The following TXLNB variants were observed in gnomAD, a reference collection of about 807,000 sequenced individuals.
The protein encoded by TXLNB is beta-taxilin.
TXLNB carries 37 observed loss-of-function variants against 57.4 expected under a neutral mutation model. That is an observed-to-expected ratio of 0.64 (90% CI 0.50 to 0.85). TXLNB has a LOEUF of 0.85. Among genes scored for constraint, TXLNB ranks in the 40% least tolerant of loss-of-function variants. The pLI is 0.00. For missense variants in TXLNB, 848 were observed against 825.6 expected (o/e 1.03, Z -0.33); for synonymous variants, 302 against 309.6 (o/e 0.98, Z 0.26).
the TXLNB span, among the ~76,000 whole-genome samples, chr6:139,160,981 C>T: frequency 5.9e-5 from 9 of 152,150 alleles, no homozygotes; most frequent in Non-Finnish European, 1.3e-4. Flanking sequence ...GCAGACCTGG[C>T]ATCAGACACC....
chr6:139,255,787 A>G, intron 6 of TXLNB, 149 bp from the exon 7 acceptor site: 1 of 605,838 alleles, frequency 1.7e-6, no homozygotes, highest in Admixed American at 3.0e-5. Context: ...AGAAAGCTTA[A>G]AAAACCAGGC....
chr6:139,216,174 C>T, the TXLNB span, among the ~76,000 whole-genome samples: 3 of 151,858 alleles, frequency 2.0e-5, no homozygotes, highest in Non-Finnish European at 2.9e-5. Flanking sequence ...CACATGCACA[C>T]GTATGTTTAT....
intron 2 of TXLNB, among the ~76,000 whole-genome samples, chr6:139,288,214 T>C (rs1356343350): frequency 6.6e-6 from 1 of 152,146 alleles, no homozygotes; most frequent in Non-Finnish European, 1.5e-5. Context: ...ATTAGGATCT[T>C]AGAGAACATG....
chr6:139,280,037 G>A (rs1018358357), intron 2 of TXLNB, among the ~76,000 whole-genome samples: 5 of 152,026 alleles, frequency 3.3e-5, no homozygotes, highest in Admixed American at 6.5e-5. Context: ...GGCAGATCAC[G>A]AGGTCAGGAG....
At chr6:139,201,977 T>C in the TXLNB span, among the ~76,000 whole-genome samples, 1 of 152,240 alleles carries the variant, frequency 6.6e-6, no homozygotes, top group African/African-American at 2.4e-5. Flanking sequence ...CTTACTGCAG[T>C]ACCCACACCA....
chr6:139,321,788 C>T, the TXLNB span, among the ~76,000 whole-genome samples: 4 of 151,664 alleles, frequency 2.6e-5, no homozygotes, highest in South Asian at 2.1e-4. Flanking sequence ...CCCACCACCA[C>T]GCCTGGCTAA....
the TXLNB span, among the ~76,000 whole-genome samples, chr6:139,302,713 G>A: frequency 6.6e-6 from 1 of 152,004 alleles, no homozygotes; most frequent in Non-Finnish European, 1.5e-5. Context: ...AACCCGGGAA[G>A]GAGGAGGTTG....
At chr6:139,190,812 T>A in the TXLNB span, among the ~76,000 whole-genome samples, 1 of 152,132 alleles carries the variant, frequency 6.6e-6, no homozygotes, top group Non-Finnish European at 1.5e-5. Context: ...GTGTTGAAGG[T>A]CCCACCTCTA....
At chr6:139,191,548 A>G in the TXLNB span, among the ~76,000 whole-genome samples, 70 of 152,352 alleles carry the variant, frequency 4.6e-4, no homozygotes, top group African/African-American at 1.7e-3. Context: ...CAATTACTAG[A>G]GAAAGTTCTA....
the TXLNB span, among the ~76,000 whole-genome samples, chr6:139,184,053 A>T: frequency 6.6e-6 from 1 of 152,176 alleles, no homozygotes; most frequent in East Asian, 1.9e-4. Flanking sequence ...ATTGTTGTGG[A>T]GTCAGCGCTT....
Position 139,276,921 on chromosome 6 carries a change from C to A in TXLNB, c.425G>T (p.Gly142Val). 1.9e-6 allele frequency: 3 copies of A among 1,544,832 alleles called. No homozygotes were observed. Among genetic ancestry groups the A allele is most frequent in the African/African-American group, 2.2e-5 (1 of 45,540 alleles). Residue 142 changes from glycine to valine, a missense_variant and splice_region_variant, in exon 3 of 10, where the codon GGC (glycine) becomes GTC (valine). Physicochemically the swap from Gly to Val is moderately radical, Grantham distance 109. Coordinates refer to ENST00000358430, the MANE Select transcript of TXLNB (RefSeq NM_153235.4). ...KLEKKILKGLGKEANLLMQNL... is the reference protein window; with the variant it reads ...KLEKKILKGLVKEANLLMQNL... The stretch of plus-strand genomic sequence containing the variant: ...TTGCATTAGCAGGTTGGCTTCTTTG[C>A]CTTAAAAAAAAAAGACATGAAAAAA...
chr6:139,322,163 G>A, the TXLNB span, among the ~76,000 whole-genome samples: 2 of 152,014 alleles, frequency 1.3e-5, no homozygotes, highest in Non-Finnish European at 2.9e-5. Flanking sequence ...TCTCTGCTTC[G>A]GCATTATCAC....
intron 4 of TXLNB, among the ~76,000 whole-genome samples, chr6:139,266,680 A>T (rs867319049): frequency 3.9e-5 from 6 of 152,178 alleles, no homozygotes; most frequent in Admixed American, 3.3e-4. Flanking sequence ...GAGCAGAAAA[A>T]CTATTTGAAG....
chr6:139,322,676 A>G, the TXLNB span, among the ~76,000 whole-genome samples: 1 of 152,184 alleles, frequency 6.6e-6, no homozygotes, highest in African/African-American at 2.4e-5. Context: ...GCAGAGTTCA[A>G]CCACCTCTCA....
At chr6:139,265,448 G>C (rs543737825) in intron 4 of TXLNB, among the ~76,000 whole-genome samples, 11 of 149,394 alleles carry the variant, frequency 7.4e-5, no homozygotes, top group Admixed American at 6.6e-4. Context: ...GTGTGTGTCT[G>C]TGTGTGTGTG....
At chr6:139,223,058 A>G in the TXLNB span, among the ~76,000 whole-genome samples, 1 of 152,244 alleles carries the variant, frequency 6.6e-6, no homozygotes, top group Admixed American at 6.5e-5. Flanking sequence ...ATTTACCAAG[A>G]TTGACTGTAT....
Position 139,288,491 on chromosome 6 carries a change from T to C in TXLNB, c.409A>G (p.Ile137Val). The change falls in exon 2 of 10, where the codon ATC becomes GTC. Residue 137 changes from isoleucine to valine, a missense_variant. By Grantham distance (29) the Ile-to-Val change is conservative. Coordinates refer to ENST00000358430, the MANE Select transcript of TXLNB (RefSeq NM_153235.4). ...SNKEQKLEKK[I>V]LKGLGKEANL... ...AACTACTTGCCTAATCCTTTTAGGA[T>C]TTTCTTTTCCAATTTTTGCTCCTTA... 1 of 1,613,982 alleles carries C rather than the reference T, an allele frequency of 6.2e-7. No individual in the cohort carries two copies. The highest frequency in any genetic ancestry group is 8.5e-7 in the Non-Finnish European group (1 of 1,179,966).
chr6:139,246,265 A>T (rs1278398590), intron 8 of TXLNB, among the ~76,000 whole-genome samples: 1 of 152,230 alleles, frequency 6.6e-6, no homozygotes, highest in African/African-American at 2.4e-5. Context: ...TCAAAAAAAA[A>T]TTAAGCAAAT....
chr6:139,166,955 C>T, the TXLNB span: 1 of 1,614,038 alleles, frequency 6.2e-7, no homozygotes, highest in East Asian at 2.2e-5. Context: ...GGCTGGGGGC[C>T]ATGTGTTCAG....
Sources: gnomAD v4.1 joint callset for allele counts (sites outside exome capture counted in the v4.1 genomes callset) on GRCh38, gnomAD v4.1.1 for gene constraint, MANE v1.5 for transcripts, NCBI Gene and HGNC (gene_info 2026-07-23, HGNC 2026-07-21) for gene names.